CFAP69: variants seen among roughly 807,000 people sequenced by gnomAD.
The protein encoded by CFAP69 is cilia and flagella associated protein 69, also known as cilia- and flagella-associated protein 69.
Under a neutral mutation model 123.0 loss-of-function variants are expected in CFAP69, and 92 were observed. That is an observed-to-expected ratio of 0.75 (90% CI 0.63 to 0.89). The LOEUF (loss-of-function observed/expected upper bound fraction) is 0.89, where lower values mean the gene tolerates loss of function less well. CFAP69 is among the 40% of genes least tolerant of loss of function. The pLI is 0.00. For missense variants in CFAP69, 1,067 were observed against 1,096.9 expected (o/e 0.97, Z 0.39); for synonymous variants, 380 against 364.3 (o/e 1.04, Z -0.49).
At chr7:90,267,921 C>A (rs1427935602) in intron 5 of CFAP69, among the ~76,000 whole-genome samples, 1 of 152,148 alleles carries the variant, frequency 6.6e-6, no homozygotes, top group East Asian at 1.9e-4. Context: ...TATTGTTATA[C>A]CTGCTTAATA....
chr7:90,273,726 T>C (rs1478705082), intron 8 of CFAP69, among the ~76,000 whole-genome samples: 1 of 152,040 alleles, frequency 6.6e-6, no homozygotes, highest in Non-Finnish European at 1.5e-5. Flanking sequence ...GCCAGTGTGG[T>C]TGGGTTCTGA....
chr7:90,273,588 A>G (rs1800279619), intron 8 of CFAP69, among the ~76,000 whole-genome samples: 1 of 152,220 alleles, frequency 6.6e-6, no homozygotes, highest in African/African-American at 2.4e-5. Context: ...ATAGACATTC[A>G]GGAAGTATTT....
rs1798773312 is a variant in CFAP69 at position 90,264,107 on chromosome 7, ATATAT to A, written c.357-1193_357-1189del. ...CTCCATCTCGAAAAAAAAAAAAAAT[ATATAT>A]ATATATATATATATATATATATATA... On this transcript the variant is annotated intron_variant, in intron 4 of 22. Coordinates refer to ENST00000389297, the MANE Select transcript of CFAP69 (RefSeq NM_001039706.3). Among the ~76,000 whole-genome samples, 491 of 61,904 alleles carry A rather than the reference ATATAT, an allele frequency of 7.9e-3. 31 individuals carry two copies. Among genetic ancestry groups the A allele is most frequent in the East Asian group, 0.044 (72 of 1,634 alleles). 40.6% of individuals were successfully genotyped at this position (61,904 alleles called of 152,430 possible). A position where few individuals can be genotyped will look rare whatever the true frequency, so the allele number is the denominator to read the frequency against.
In CFAP69 at chr7:90,310,194, G is replaced by A; in HGVS notation, c.2782G>A (p.Ala928Thr). The change falls in exon 23 of 23, where the codon GCA becomes ACA. Residue 928 changes from alanine to threonine, a missense_variant. Coordinates refer to ENST00000389297, the MANE Select transcript of CFAP69 (RefSeq NM_001039706.3). ...AGGAGGAGCCTTGCAGAGGGTGAAA[G>A]CAGTTAAAATTGTGGATGCACCAAA... ...IRGGALQRVK[A>T]VKIVDAPKKS... 1.2e-6 allele frequency: 2 copies of A among 1,613,822 alleles called. No homozygotes were observed. Among genetic ancestry groups the A allele is most frequent in the Non-Finnish European group, 1.7e-6 (2 of 1,179,854 alleles).
intron 3 of CFAP69, 111 bp from the exon 4 acceptor site, chr7:90,261,836 C>T (rs1332740114): frequency 5.9e-6 from 3 of 512,040 alleles, no homozygotes; most frequent in Non-Finnish European, 9.8e-6. Flanking sequence ...GTATCTACCA[C>T]ATTTGGCAAA....
At chr7:90,306,328 G>A (rs1475416701) in intron 19 of CFAP69, among the ~76,000 whole-genome samples, 1 of 152,050 alleles carries the variant, frequency 6.6e-6, no homozygotes, top group Non-Finnish European at 1.5e-5. Context: ...ATACACTCAA[G>A]AACGTTAACT....
intron 18 of CFAP69, chr7:90,304,447 T>C: frequency 8.3e-7 from 1 of 1,207,318 alleles, no homozygotes; most frequent in Non-Finnish European, 1.0e-6. Flanking sequence ...AAGGAAAAAG[T>C]TTATCAAACA....
At chr7:90,281,601 A>G (rs892574282) in intron 12 of CFAP69, among the ~76,000 whole-genome samples, 3 of 152,210 alleles carry the variant, frequency 2.0e-5, no homozygotes, top group Admixed American at 6.5e-5. Context: ...CTAAAAATCA[A>G]TTGCAAAAGT....
At chr7:90,294,448 A>G (rs1187357933) in intron 15 of CFAP69, among the ~76,000 whole-genome samples, 3 of 152,320 alleles carry the variant, frequency 2.0e-5, no homozygotes, top group South Asian at 2.1e-4. Flanking sequence ...GCTCTTTCAT[A>G]TATAAACATC....
chr7:90,260,254 TG>T (rs1223579430), intron 3 of CFAP69, among the ~76,000 whole-genome samples: 1 of 151,998 alleles, frequency 6.6e-6, no homozygotes, highest in Non-Finnish European at 1.5e-5. Context: ...GCCCGTGCAT[TG>T]TGGCTCATGC....
rs1260822682 is a variant in CFAP69 at position 90,307,840 on chromosome 7, G to A, written c.2536G>A (p.Ala846Thr). ...AGATTTCTTGGCTAGAACATCAAAC[G>A]CTAAAACGTTAAAGGTAGGATTTTT... is the stretch of plus-strand genomic sequence containing the variant. ...WEDFLARTSN[A>T]KTLKKAKSLQ... is the part of the protein sequence containing the mutation. The change falls in exon 21 of 23, where the codon GCT becomes ACT. Residue 846 changes from alanine to threonine, a missense_variant. Transcript: ENST00000389297. 9 of 1,608,454 alleles carry A rather than the reference G, an allele frequency of 5.6e-6. No homozygotes were observed. The highest frequency in any genetic ancestry group is 6.8e-6 in the Non-Finnish European group (8 of 1,176,286).
chr7:90,303,868 T>A, intron 17 of CFAP69, 101 bp from the exon 18 acceptor site: 1 of 1,317,160 alleles, frequency 7.6e-7, no homozygotes, highest in South Asian at 2.1e-5. Context: ...ACAATATTTT[T>A]ATATATTTTA....
intron 11 of CFAP69, among the ~76,000 whole-genome samples, chr7:90,278,717 A>G (rs1189909521): frequency 6.6e-6 from 1 of 152,138 alleles, no homozygotes; most frequent in African/African-American, 2.4e-5. Flanking sequence ...TATGTGTCAC[A>G]TAATTTGTGG....
intron 21 of CFAP69, 66 bp downstream of exon 21, chr7:90,307,920 G>T: frequency 9.9e-7 from 1 of 1,013,138 alleles, no homozygotes; most frequent in Non-Finnish European, 1.5e-6. Flanking sequence ...GACTTTTTCA[G>T]GAACAAATAT....
rs545470685 is a variant in CFAP69 at position 90,303,564 on chromosome 7, T to C, written c.2051-405T>C. ...TCAATCCATTTTTATTGTTTCTGAGTTTTGACCTATAGCATCATAAAATAG... is the reference window on the plus strand; with the variant it reads ...TCAATCCATTTTTATTGTTTCTGAGCTTTGACCTATAGCATCATAAAATAG... On this transcript the variant is annotated intron_variant, in intron 17 of 22. Transcript: ENST00000389297. 6 of 961,560 alleles carry C rather than the reference T, an allele frequency of 6.2e-6. No homozygotes were observed. In the South Asian group the frequency reaches 2.4e-4, roughly 39 times the overall value. The allele number at this position is 961,560 out of a possible 1,614,324, so 59.6% of individuals were successfully genotyped here. A position where few individuals can be genotyped will look rare whatever the true frequency, so the allele number is the denominator to read the frequency against.
intron 15 of CFAP69, among the ~76,000 whole-genome samples, chr7:90,289,854 T>C (rs575466966): frequency 1.1e-4 from 17 of 152,244 alleles, no homozygotes; most frequent in Non-Finnish European, 2.4e-4. Context: ...AATTCAATGC[T>C]GTTTTTGGAT....
intron 14 of CFAP69, 157 bp downstream of exon 14, chr7:90,286,556 A>G: frequency 3.0e-6 from 2 of 662,204 alleles, no homozygotes; most frequent in East Asian, 3.0e-5. Context: ...TACAGAATAT[A>G]CAACAGTATA....
chr7:90,315,299 G>A (rs982931502), downstream of CFAP69, among the ~76,000 whole-genome samples: 9 of 152,032 alleles, frequency 5.9e-5, no homozygotes, highest in African/African-American at 9.7e-5. Context: ...AAAGACACAC[G>A]CACATGAATG....
intron 1 of CFAP69, among the ~76,000 whole-genome samples, chr7:90,254,636 C>T (rs1797429463): frequency 6.6e-6 from 1 of 152,002 alleles, no homozygotes; most frequent in South Asian, 2.1e-4. Context: ...CCTTTTTCAT[C>T]CTTTGGGAAG....
Sources: gnomAD v4.1 joint callset for allele counts (sites outside exome capture counted in the v4.1 genomes callset) on GRCh38, gnomAD v4.1.1 for gene constraint, MANE v1.5 for transcripts, NCBI Gene and HGNC (gene_info 2026-07-23, HGNC 2026-07-21) for gene names.